Variants in COLGALT2 observed in about 807,000 individuals in gnomAD.
The protein encoded by COLGALT2 is procollagen galactosyltransferase 2.
In COLGALT2, 49 loss-of-function variants were observed where a neutral mutation model predicts 73.4. The observed-to-expected ratio is 0.67, with a 90% CI of 0.53 to 0.85. COLGALT2 has a LOEUF of 0.85. COLGALT2 is among the 40% of genes least tolerant of loss of function. The probability of loss-of-function intolerance (pLI) is 0.00; values close to 1 mark genes in which losing one functional copy is unlikely to be tolerated. For missense variants in COLGALT2, 722 were observed against 790.2 expected (o/e 0.91, Z 1.03); for synonymous variants, 295 against 307.6 (o/e 0.96, Z 0.43).
intron 1 of COLGALT2, among the ~76,000 whole-genome samples, chr1:184,036,391 G>A (rs1195325047): frequency 6.6e-6 from 1 of 152,214 alleles, no homozygotes; most frequent in Non-Finnish European, 1.5e-5. Flanking sequence ...ATCTTTCCCA[G>A]GGCATCTTCG....
chr1:183,964,251 G>T (rs989636678), intron 5 of COLGALT2: 2 of 437,386 alleles, frequency 4.6e-6, no homozygotes, highest in East Asian at 3.5e-5. Flanking sequence ...AGAGGAAATT[G>T]ATTTTTTCCC....
chr1:183,954,258 A>C (rs1048951724), intron 7 of COLGALT2, among the ~76,000 whole-genome samples: 2 of 132,380 alleles, frequency 1.5e-5, no homozygotes, highest in African/African-American at 6.1e-5. Context: ...GAAAGGCAGA[A>C]TTTTAGAACA....
chr1:184,037,100 G>T lies in COLGALT2; in HGVS notation c.258C>A (p.Ala86=), dbSNP rs763825647. The change falls in exon 1 of 12, where the codon GCC becomes GCA. Residue 86 remains alanine (A), a synonymous_variant. Transcript: ENST00000361927. ...ERLDYPKSRM[A]IWAATDHNVD... ...CGGGGCCCGTGCGCGCTCACCAGAT[G>T]GCCATCCTGCTCTTGGGGTAGTCCA... 4 of 1,578,820 alleles carry T rather than the reference G, an allele frequency of 2.5e-6. No individual in the cohort carries two copies. Among genetic ancestry groups the T allele is most frequent in the Non-Finnish European group, 3.4e-6 (4 of 1,165,998 alleles).
chr1:184,021,704 A>C (rs1408348385), intron 1 of COLGALT2, among the ~76,000 whole-genome samples: 3 of 152,238 alleles, frequency 2.0e-5, no homozygotes, highest in Non-Finnish European at 4.4e-5. Flanking sequence ...ATAAATGAAA[A>C]GAATAATAAA....
At chr1:184,004,664 G>A (rs1281559708) in intron 1 of COLGALT2, among the ~76,000 whole-genome samples, 1 of 152,110 alleles carries the variant, frequency 6.6e-6, no homozygotes, top group African/African-American at 2.4e-5. Context: ...GAGGGACAAT[G>A]GCCCTTGGTA....
chr1:183,977,413 G>C (rs537202077), intron 2 of COLGALT2, among the ~76,000 whole-genome samples: 1 of 150,776 alleles, frequency 6.6e-6, no homozygotes, highest in East Asian at 2.0e-4. Flanking sequence ...GGAGGTTGCA[G>C]TGAGCCAAGA....
intron 1 of COLGALT2, among the ~76,000 whole-genome samples, chr1:184,011,370 G>T (rs997259005): frequency 6.6e-6 from 1 of 152,212 alleles, no homozygotes; most frequent in African/African-American, 2.4e-5. Flanking sequence ...AACTGGGAAA[G>T]ATAAATTATC....
intron 1 of COLGALT2, among the ~76,000 whole-genome samples, chr1:183,980,868 C>T (rs962563540): frequency 6.6e-6 from 1 of 152,034 alleles, no homozygotes; most frequent in African/African-American, 2.4e-5. Flanking sequence ...ATAGCATGGT[C>T]TAAGAATTTT....
At chr1:184,007,320 GT>G (rs1185849803) in intron 1 of COLGALT2, among the ~76,000 whole-genome samples, 3 of 152,114 alleles carry the variant, frequency 2.0e-5, no homozygotes, top group South Asian at 4.1e-4. Context: ...TATTGTATGT[GT>G]TCACAAGAGA....
rs1468008058 is a variant in COLGALT2, at chr1:183,944,195, C to T, written c.1397+1G>A. The T allele has an allele frequency of 6.2e-7, 1 of 1,610,438 alleles. No individual in the cohort carries two copies. ...TCTCGTAAGATCATCTTGTCACTCA[C>T]ATCAGTTCCCAGTCCAGCTGAGCCT... is the stretch of plus-strand genomic sequence containing the variant. On this transcript the variant is annotated splice_donor_variant, in intron 10 of 11. Transcript: ENST00000361927. LOFTEE classifies it high-confidence loss of function.
intron 2 of COLGALT2, among the ~76,000 whole-genome samples, chr1:183,976,130 C>G (rs1170841105): frequency 6.6e-6 from 1 of 151,934 alleles, no homozygotes; most frequent in Non-Finnish European, 1.5e-5. Context: ...TCACACTGAC[C>G]TTGGCATATA....
At chr1:183,981,097 G>T (rs867815363) in intron 1 of COLGALT2, among the ~76,000 whole-genome samples, 2 of 152,110 alleles carry the variant, frequency 1.3e-5, no homozygotes, top group Non-Finnish European at 2.9e-5. Flanking sequence ...GACATAGGGA[G>T]CCCAGTGGCA....
chr1:183,964,788 A>G (rs1670820341), intron 5 of COLGALT2, among the ~76,000 whole-genome samples: 1 of 152,218 alleles, frequency 6.6e-6, no homozygotes, highest in Non-Finnish European at 1.5e-5. Flanking sequence ...AGGAATCAGG[A>G]TGGTCTCATA....
chr1:183,978,309 C>T (rs928411149), intron 2 of COLGALT2, 101 bp downstream of exon 2: 10 of 648,214 alleles, frequency 1.5e-5, no homozygotes, highest in Non-Finnish European at 2.5e-5. Flanking sequence ...AAATGAAAGA[C>T]AATGAAAAGT....
intron 1 of COLGALT2, among the ~76,000 whole-genome samples, chr1:183,990,563 G>A (rs535004981): frequency 6.6e-6 from 1 of 152,354 alleles, no homozygotes; most frequent in African/African-American, 2.4e-5. Flanking sequence ...AAGTGCCAGG[G>A]AGGAGGGAGT....
chr1:184,023,521 T>C (rs1199527226), intron 1 of COLGALT2, among the ~76,000 whole-genome samples: 3 of 152,104 alleles, frequency 2.0e-5, no homozygotes, highest in African/African-American at 7.2e-5. Context: ...GCTGCTTTCC[T>C]TACACAGCAG....
Position 183,951,077 on chromosome 1 carries a change from G to A in COLGALT2, c.1066C>T (p.Arg356Trp), listed in dbSNP as rs758529068. The A allele has an allele frequency of 9.3e-6, 15 of 1,613,620 alleles. No individual in the cohort carries two copies. The highest frequency in any genetic ancestry group is 2.2e-5 in the East Asian group (1 of 44,894). ...TACAGTGTGCGCAGCATCCGGTCCCGCCTGTCCTTTCTGCGTTTGAGGTTT... is the reference window on the plus strand; with the variant it reads ...TACAGTGTGCGCAGCATCCGGTCCCACCTGTCCTTTCTGCGTTTGAGGTTT... ...MINLKRRKDRRDRMLRTLYEQ... is the reference protein window; with the variant it reads ...MINLKRRKDRWDRMLRTLYEQ... The change falls in exon 8 of 12, where the codon CGG becomes TGG. Residue 356 changes from arginine to tryptophan, a missense_variant. Transcript: ENST00000361927.
chr1:184,008,364 T>C (rs1219926170), intron 1 of COLGALT2, among the ~76,000 whole-genome samples: 1 of 152,228 alleles, frequency 6.6e-6, no homozygotes, highest in Non-Finnish European at 1.5e-5. Flanking sequence ...CTGGATCTTG[T>C]TTTAAAAAGA....
At chr1:184,009,169 C>T (rs1463616507) in intron 1 of COLGALT2, among the ~76,000 whole-genome samples, 1 of 152,136 alleles carries the variant, frequency 6.6e-6, no homozygotes, top group Non-Finnish European at 1.5e-5. Context: ...TGAGTTCTGA[C>T]ACATTAATCT....
Sources: allele counts gnomAD v4.1 joint callset (sites outside exome capture counted in the v4.1 genomes callset), GRCh38; gene constraint gnomAD v4.1.1; transcripts MANE v1.5; gene names NCBI Gene and HGNC (gene_info 2026-07-23, HGNC 2026-07-21).